PLCE1: variants seen among roughly 807,000 people sequenced by gnomAD.
PLCE1 encodes phospholipase C epsilon 1.
In PLCE1, 119 loss-of-function variants were observed where a neutral mutation model predicts 242.8. The observed-to-expected ratio is 0.49, with a 90% CI of 0.42 to 0.57. The LOEUF (loss-of-function observed/expected upper bound fraction) is 0.57, where lower values mean the gene tolerates loss of function less well. Ranked by LOEUF, PLCE1 falls within the 20% of genes least tolerant of loss-of-function variation. PLCE1 has a pLI of 0.00. For synonymous variants in PLCE1, 945 were observed against 1,017.4 expected, an observed-to-expected ratio of 0.93 and a Z score of 1.35; for missense variants, 2,441 against 2,788.8, an observed-to-expected ratio of 0.88 and a Z score of 2.81.
At chr10:94,000,284 G>C (rs2060908606) in intron 1 of PLCE1, among the ~76,000 whole-genome samples, 1 of 152,164 alleles carries the variant, frequency 6.6e-6, no homozygotes, top group African/African-American at 2.4e-5. Flanking sequence ...TATAAGTTTG[G>C]GATCTGGAGT....
intron 21 of PLCE1, 152 bp downstream of exon 21, chr10:94,284,063 G>A: frequency 1.2e-6 from 1 of 864,698 alleles, no homozygotes; most frequent in Non-Finnish European, 1.8e-6. Context: ...GATATTAAAA[G>A]ACACCCACCT....
chr10:93,995,566 G>A (rs538647553), intron 1 of PLCE1, among the ~76,000 whole-genome samples: 1 of 152,250 alleles, frequency 6.6e-6, no homozygotes, highest in East Asian at 1.9e-4. Flanking sequence ...GATAATTGTG[G>A]GCCAGTATTA....
intron 1 of PLCE1, among the ~76,000 whole-genome samples, chr10:94,028,063 G>A (rs1275888880): frequency 6.6e-6 from 1 of 152,086 alleles, no homozygotes. Flanking sequence ...AATTCACTTA[G>A]CTTTTCTTTG....
chr10:94,285,360 A>T (rs1205131552), intron 22 of PLCE1, among the ~76,000 whole-genome samples: 1 of 152,168 alleles, frequency 6.6e-6, no homozygotes, highest in Non-Finnish European at 1.5e-5. Flanking sequence ...TCTGAGAGGG[A>T]TGAAGTAATT....
intron 2 of PLCE1, among the ~76,000 whole-genome samples, chr10:94,036,062 T>C (rs149011379): frequency 1.3e-5 from 2 of 152,352 alleles, no homozygotes; most frequent in Middle Eastern, 3.4e-3. Flanking sequence ...TGAATTTAAA[T>C]TGTGACCCTC....
At chr10:94,246,918 C>G (rs2050703920) in intron 8 of PLCE1, among the ~76,000 whole-genome samples, 1 of 152,078 alleles carries the variant, frequency 6.6e-6, no homozygotes, top group Non-Finnish European at 1.5e-5. Flanking sequence ...TTGAGACCGG[C>G]CTGGCCAACA....
intron 14 of PLCE1, among the ~76,000 whole-genome samples, chr10:94,263,182 G>GTT (rs199605955): frequency 1.3e-5 from 2 of 151,062 alleles, no homozygotes; most frequent in African/African-American, 4.9e-5. Flanking sequence ...GTTTTGTTTT[G>GTT]TTTTTTTAAC....
At chr10:94,208,218 C>A (rs866170061) in intron 4 of PLCE1, among the ~76,000 whole-genome samples, 4 of 152,182 alleles carry the variant, frequency 2.6e-5, no homozygotes, top group Admixed American at 6.5e-5. Context: ...ATTGACATCA[C>A]CAGTGATGCA....
intron 3 of PLCE1, among the ~76,000 whole-genome samples, chr10:94,169,755 C>T (rs2047915426): frequency 6.6e-6 from 1 of 152,180 alleles, no homozygotes; most frequent in Non-Finnish European, 1.5e-5. Context: ...CGCCCCATCA[C>T]TAAGTAGCAT....
At chr10:94,272,775 G>C (rs1044135680) in intron 18 of PLCE1, among the ~76,000 whole-genome samples, 1 of 152,114 alleles carries the variant, frequency 6.6e-6, no homozygotes, top group Admixed American at 6.6e-5. Context: ...TAATGGTAGA[G>C]GCATTTGTGG....
intron 1 of PLCE1, among the ~76,000 whole-genome samples, chr10:94,013,005 C>G (rs949161539): frequency 8.5e-5 from 13 of 152,072 alleles, no homozygotes; most frequent in Non-Finnish European, 1.9e-4. Context: ...TCTCAGTCAC[C>G]TCTCTCTCTA....
chr10:94,326,617 T>TACA lies in PLCE1; in HGVS notation c.*25-1348_*25-1346dup, dbSNP rs551346965. 1.3e-4 allele frequency among the ~76,000 whole-genome samples: 20 copies of TACA among 152,338 alleles called. No individual in the cohort carries two copies. In the South Asian group the frequency reaches 4.1e-3, roughly 32 times the overall value. On this transcript the variant is annotated intron_variant, in intron 32 of 32. Transcript: ENST00000371380. ...AGATTACTTCTTAAGTACAGAAGAA[T>TACA]ACAACTCCATTAGAAATTTGACTTA... is the stretch of plus-strand genomic sequence containing the variant.
At chr10:94,247,557 G>A (rs1310261626) in intron 8 of PLCE1, among the ~76,000 whole-genome samples, 1 of 152,074 alleles carries the variant, frequency 6.6e-6, no homozygotes, top group African/African-American at 2.4e-5. Context: ...GTGACTTTTG[G>A]AGAGTTCTTT....
chr10:94,296,049 G>C (rs897424545), intron 23 of PLCE1, among the ~76,000 whole-genome samples: 5 of 152,108 alleles, frequency 3.3e-5, no homozygotes, highest in Admixed American at 6.5e-5. Flanking sequence ...CCAATAGAAG[G>C]CTGTTTCATT....
intron 2 of PLCE1, among the ~76,000 whole-genome samples, chr10:94,076,547 T>A (rs957212163): frequency 2.0e-5 from 3 of 152,166 alleles, no homozygotes; most frequent in Non-Finnish European, 2.9e-5. Flanking sequence ...TAGGTGGAAA[T>A]AGAACTGAAT....
At chr10:94,178,774 C>G (rs1305281281) in intron 4 of PLCE1, among the ~76,000 whole-genome samples, 2 of 152,176 alleles carry the variant, frequency 1.3e-5, no homozygotes, top group African/African-American at 4.8e-5. Flanking sequence ...GCACAGTAAG[C>G]AGAAAGCATA....
At position 94,253,891 on chromosome 10, in the gene PLCE1, T is replaced by C. The variant is rs151104608; in HGVS notation, c.3280-299T>C. On this transcript the variant is annotated intron_variant, in intron 9 of 32. Coordinates refer to ENST00000371380, the MANE Select transcript of PLCE1 (RefSeq NM_016341.4). ...CACTCTCTTTGCTTATGGGAGGCTT[T>C]GATGCTCATGTCAAATTTTATCTGC... Among the ~76,000 whole-genome samples the C allele has an allele frequency of 1.0e-3, 156 of 152,358 alleles. 1 individual carries two copies. Among genetic ancestry groups the C allele is most frequent in the South Asian group, 2.1e-3 (10 of 4,826 alleles).
chr10:94,069,326 A>C (rs2044286877), intron 2 of PLCE1, among the ~76,000 whole-genome samples: 1 of 152,228 alleles, frequency 6.6e-6, no homozygotes, highest in African/African-American at 2.4e-5. Flanking sequence ...GGGACCAGGC[A>C]TGGTGGTTCA....
intron 22 of PLCE1, among the ~76,000 whole-genome samples, chr10:94,290,849 G>T (rs1455247231): frequency 6.6e-6 from 1 of 152,052 alleles, no homozygotes; most frequent in Non-Finnish European, 1.5e-5. Context: ...GTATGTGCTA[G>T]ACTTCTATAT....
Sources: allele counts gnomAD v4.1 joint callset (sites outside exome capture counted in the v4.1 genomes callset), GRCh38; gene constraint gnomAD v4.1.1; transcripts MANE v1.5; gene names NCBI Gene and HGNC (gene_info 2026-07-23, HGNC 2026-07-21).